Variants in MUC12 observed in about 807,000 individuals in gnomAD.
MUC12 encodes mucin 12, cell surface associated.
A neutral mutation model predicts 230.8 loss-of-function variants in MUC12; 172 were observed. The ratio of observed to expected loss-of-function variants is 0.75; its 90% CI spans 0.66 to 0.85. The LOEUF is 0.85. Among genes scored for constraint, MUC12 ranks in the 40% least tolerant of loss-of-function variants. The pLI is 0.00. For missense variants in MUC12, 3,506 were observed against 5,920.6 expected (o/e 0.59, Z 13.38); for synonymous variants, 1,259 against 2,401.9 (o/e 0.52, Z 13.91).
chr7:100,979,919 T>C (rs1793081079), intron 1 of MUC12, among the ~76,000 whole-genome samples: 1 of 151,316 alleles, frequency 6.6e-6, no homozygotes, highest in Non-Finnish European at 1.5e-5. Context: ...GTAGCCCCAG[T>C]ACTCAGGAGG....
chr7:100,994,092 A>C lies in MUC12; in HGVS notation c.3529A>C (p.Thr1177Pro), dbSNP rs1793406965. Residue 1177 changes from threonine to proline, a missense_variant, in exon 2 of 12, where the codon ACC becomes CCC. Thr to Pro is a conservative substitution (Grantham distance 38, BLOSUM62 -1). Transcript: ENST00000536621. ...TGAAACCACAGTGTTCCCTCACAGC[A>C]CCACAACCTCAGTTCATGGTGAAGA... The part of the protein sequence containing the change: ...STETTVFPHS[T>P]TTSVHGEEPT... 2.9e-6 allele frequency: 3 copies of C among 1,026,708 alleles called. 1 individual carries two copies. The highest frequency in any genetic ancestry group is 3.9e-6 in the Non-Finnish European group (3 of 759,596). 63.6% of individuals were successfully genotyped at this position (1,026,708 alleles called of 1,614,324 possible).
At chr7:101,018,446 CTCCTCTCCCTA>C in intron 11 of MUC12, 138 bp from the exon 12 acceptor site, 1 of 488,174 alleles carries the variant, frequency 2.0e-6, no homozygotes, top group Non-Finnish European at 3.6e-6. Flanking sequence ...CCGCCACTCC[CTCCTCTCCCTA>C]GGACTCCCTC....
At chr7:101,008,830 C>T (rs185653106) in intron 4 of MUC12, 69 bp downstream of exon 4, 192 of 1,486,596 alleles carry the variant, frequency 1.3e-4, no homozygotes, top group Middle Eastern at 8.7e-4. Context: ...GGGGTGCACC[C>T]CAACTTAGTG....
Position 101,018,804 on chromosome 7 carries a change from G to T in MUC12, c.*168G>T. The T allele has an allele frequency of 1.6e-6, 1 of 621,230 alleles. No individual in the cohort carries two copies. The highest frequency in any genetic ancestry group is 2.6e-6 in the Non-Finnish European group (1 of 387,988). The allele number at this position is 621,230 out of a possible 1,614,324, so 38.5% of individuals were successfully genotyped here. A position where few individuals can be genotyped will look rare whatever the true frequency, so the allele number is the denominator to read the frequency against. On this transcript the variant is annotated 3_prime_UTR_variant, in exon 12 of 12. Coordinates refer to ENST00000536621, the MANE Select transcript of MUC12 (RefSeq NM_001164462.2). ...CAGTCCCCTGCCTGTGCTCCTGCTG[G>T]GGAAGGCTGGGGGCTGTAAGCCTCT... is the stretch of plus-strand genomic sequence containing the variant.
Position 101,004,984 on chromosome 7 carries a change from A to G in MUC12, c.14421A>G (p.Thr4807=). 2 of 1,537,708 alleles carry G rather than the reference A, an allele frequency of 1.3e-6. No individual in the cohort carries two copies. Among genetic ancestry groups the G allele is most frequent in the Non-Finnish European group, 8.7e-7 (1 of 1,147,012 alleles). The stretch of plus-strand genomic sequence containing the variant: ...GTAAGCCAGGCTCAACTGAGACAAC[A>G]CTGTCCCCTGGCAGCATCACAACTT... The part of the protein sequence containing the change: ...FHSKPGSTET[T]LSPGSITTSS... Residue 4807 remains threonine (T), a synonymous_variant, in exon 2 of 12, where the codon ACA becomes ACG. Transcript: ENST00000536621.
chr7:100,973,963 G>C (rs1437064558), intron 1 of MUC12, among the ~76,000 whole-genome samples: 1 of 151,920 alleles, frequency 6.6e-6, no homozygotes, highest in Non-Finnish European at 1.5e-5. Flanking sequence ...GACCAGCTCG[G>C]GCAACATAGG....
chr7:101,008,773 G>T lies in MUC12; in HGVS notation c.15186+12G>T. 1 of 1,535,838 alleles carries T rather than the reference G, an allele frequency of 6.5e-7. No individual in the cohort carries two copies. Among genetic ancestry groups the T allele is most frequent in the Non-Finnish European group, 8.7e-7 (1 of 1,146,168 alleles). On this transcript the variant is annotated intron_variant, in intron 4 of 11. Transcript: ENST00000536621. ...TCTTCAAGAATCGGGTAAGACCAGG[G>T]CACACCCAGACACCCCAGGGTGATG...
chr7:100,982,121 T>C (rs1327458343), intron 1 of MUC12, among the ~76,000 whole-genome samples: 1 of 151,850 alleles, frequency 6.6e-6, no homozygotes, highest in Non-Finnish European at 1.5e-5. Flanking sequence ...CCTGCCTTGG[T>C]CTCCCAAAAT....
chr7:100,991,021 C>T lies in MUC12; in HGVS notation c.458C>T (p.Pro153Leu), dbSNP rs185116753. The change falls in exon 2 of 12, where the codon CCT becomes CTT. Residue 153 changes from proline (P) to leucine (L), a missense_variant. Pro to Leu is a moderately conservative substitution (Grantham distance 98). Transcript: ENST00000536621. Reference sequence around the variant, plus strand: ...AGATCACCAGACAGAACACTCTCACCTGCCCGCACGACAAGCTCAGGCGTC... The same window carrying T: ...AGATCACCAGACAGAACACTCTCACTTGCCCGCACGACAAGCTCAGGCGTC... Reference protein sequence around the residue: ...SPRSPDRTLSPARTTSSGVSE... With the variant: ...SPRSPDRTLSLARTTSSGVSE... The T allele has an allele frequency of 7.2e-6, 11 of 1,537,804 alleles. No individual in the cohort carries two copies. Among genetic ancestry groups the T allele is most frequent in the Non-Finnish European group, 9.6e-6 (11 of 1,147,068 alleles).
rs1478763108 is a variant in MUC12 at position 100,992,215 on chromosome 7, C to T, written c.1652C>T (p.Ala551Val). ...CCAGGCCTCAGTCAGGAATCTACAG[C>T]TTCCCACAGCAGCCCAGGCCCCACA... ...TMPGLSQEST[A>V]SHSSPGPTDT... is the part of the protein sequence containing the mutation. The change falls in exon 2 of 12, where the codon GCT becomes GTT. Residue 551 changes from alanine (A) to valine (V), a missense_variant. By Grantham distance (64) the Ala-to-Val change is moderately conservative. Transcript: ENST00000536621. 3 of 1,537,818 alleles carry T rather than the reference C, an allele frequency of 2.0e-6. No homozygotes were observed. The highest frequency in any genetic ancestry group is 2.6e-6 in the Non-Finnish European group (3 of 1,147,062).
chr7:100,991,114 C>A lies in MUC12; in HGVS notation c.551C>A (p.Thr184Asn). 1 of 1,537,822 alleles carries A rather than the reference C, an allele frequency of 6.5e-7. No individual in the cohort carries two copies. Among genetic ancestry groups the A allele is most frequent in the Non-Finnish European group, 8.7e-7 (1 of 1,147,012 alleles). Residue 184 changes from threonine to asparagine, a missense_variant, in exon 2 of 12, where the codon ACC becomes AAC. Physicochemically the swap from Thr to Asn is moderately conservative, Grantham distance 65. Transcript: ENST00000536621. ...CACACAATAGCGTTCCCTGACAGTA[C>A]CACCATGCCAGGCGTCAGTCAGGAA... ...PTHTIAFPDS[T>N]TMPGVSQEST...
chr7:101,006,526 C>G lies in MUC12; in HGVS notation c.15012C>G (p.Gly5004=). ...GAAAACAATGCGTCTGTCCCCAAGG[C>G]TACGTTGGTTACCAGTGCTTGTCCC... ...WNGKQCVCPQ[G]YVGYQCLSPL... is the part of the protein sequence containing the mutation. The change falls in exon 3 of 12, where the codon GGC becomes GGG. Residue 5004 remains glycine, a synonymous_variant. Transcript: ENST00000536621. 3.9e-6 allele frequency: 6 copies of G among 1,537,216 alleles called. No individual in the cohort carries two copies. The South Asian group carries it at 5.9e-5, about 15-fold the overall frequency.
rs779967693 is a variant in MUC12 at position 100,969,635 on chromosome 7, T to A, written c.13T>A (p.Trp5Arg). 1 of 1,537,454 alleles carries A rather than the reference T, an allele frequency of 6.5e-7. No individual in the cohort carries two copies. Among genetic ancestry groups the A allele is most frequent in the South Asian group, 1.2e-5 (1 of 84,070 alleles). The change falls in exon 1 of 12, where the codon TGG becomes AGG. Residue 5 changes from tryptophan to arginine, a missense_variant. Trp to Arg is a moderately radical substitution (Grantham distance 101). Coordinates refer to ENST00000536621, the MANE Select transcript of MUC12 (RefSeq NM_001164462.2). ...CGTTCCCCGGGAGATGCTGGTGATC[T>A]GGATTCTGACGCTGGCTCTCCGGCT... MLVI[W>R]ILTLALRLCA...
intron 1 of MUC12, among the ~76,000 whole-genome samples, chr7:100,973,314 C>A (rs967261326): frequency 7.8e-6 from 1 of 128,170 alleles, no homozygotes; most frequent in South Asian, 2.5e-4. Context: ...GGGAGAGGAG[C>A]CTCTTTTTGC....
chr7:100,993,594 G>T lies in MUC12; in HGVS notation c.3031G>T (p.Ala1011Ser). Residue 1011 changes from alanine to serine, a missense_variant, in exon 2 of 12, where the codon GCA becomes TCA. Ala to Ser is a moderately conservative substitution (Grantham distance 99). Coordinates refer to ENST00000536621, the MANE Select transcript of MUC12 (RefSeq NM_001164462.2). ...THTTPSPPST[A>S]TAPVEESTTY... ...CACAACGCCTTCACCTCCTAGCACC[G>T]CAACAGCCCCTGTTGAAGAATCTAC... The T allele has an allele frequency of 8.7e-6, 8 of 920,220 alleles. 3 individuals carry two copies. Among genetic ancestry groups the T allele is most frequent in the Non-Finnish European group, 1.2e-5 (8 of 671,920 alleles). The allele number at this position is 920,220 out of a possible 1,614,324, so 57.0% of individuals were successfully genotyped here.
chr7:101,016,067 G>A (rs1793912689), intron 10 of MUC12, among the ~76,000 whole-genome samples: 1 of 152,112 alleles, frequency 6.6e-6, no homozygotes, highest in Non-Finnish European at 1.5e-5. Context: ...GAATAGGTGA[G>A]TAAGCAGGTG....
intron 1 of MUC12, 95 bp downstream of exon 1, chr7:100,969,784 TC>T: frequency 7.0e-7 from 1 of 1,438,568 alleles, no homozygotes; most frequent in East Asian, 2.5e-5. Context: ...GGTGGCCTCC[TC>T]CCCTTTGCAT....
chr7:100,981,361 C>T lies in MUC12; in HGVS notation c.68-9270C>T, dbSNP rs1206355607. ...CACCCAGAGCATGGTTCCCTTGTCC[C>T]TCCTGCAGCGAGTGAAGAACCTGGG... On this transcript the variant is annotated intron_variant, in intron 1 of 11. Transcript: ENST00000536621. 4 of 636,168 alleles carry T rather than the reference C, an allele frequency of 6.3e-6. No individual in the cohort carries two copies. The East Asian group carries it at 1.3e-4, about 20-fold the overall frequency. The allele number at this position is 636,168 out of a possible 1,614,324, so 39.4% of individuals were successfully genotyped here.
At chr7:100,981,375 G>A in intron 1 of MUC12, 2 of 644,012 alleles carry the variant, frequency 3.1e-6, no homozygotes, top group Middle Eastern at 5.3e-4. Context: ...TGCAGCGAGT[G>A]AAGAACCTGG....
Sources: allele counts gnomAD v4.1 joint callset (sites outside exome capture counted in the v4.1 genomes callset), GRCh38; gene constraint gnomAD v4.1.1; transcripts MANE v1.5; gene names NCBI Gene and HGNC (gene_info 2026-07-23, HGNC 2026-07-21).